The following UBXN11 variants were observed in gnomAD, a reference collection of about 807,000 sequenced individuals.
UBXN11 encodes the protein UBX domain-containing protein 11.
UBXN11 carries 47 observed loss-of-function variants against 62.8 expected under a neutral mutation model. The ratio of observed to expected loss-of-function variants is 0.75; its 90% CI spans 0.59 to 0.95. The LOEUF (loss-of-function observed/expected upper bound fraction) is 0.95, where lower values mean the gene tolerates loss of function less well. Among genes scored for constraint, UBXN11 ranks in the 40% least tolerant of loss-of-function variants. The pLI is 0.00. For synonymous variants in UBXN11, 294 were observed against 267.0 expected (o/e 1.10, Z -0.99); for missense variants, 638 against 661.7 (o/e 0.96, Z 0.39).
At chr1:26,291,558 C>T (rs2073266428) in intron 8 of UBXN11, among the ~76,000 whole-genome samples, 1 of 152,170 alleles carries the variant, frequency 6.6e-6, no homozygotes, top group Admixed American at 6.5e-5. Context: ...CAGAAACCAG[C>T]CACCTGGCAA....
intron 8 of UBXN11, among the ~76,000 whole-genome samples, chr1:26,288,920 G>A (rs1400763392): frequency 6.6e-6 from 1 of 152,188 alleles, no homozygotes; most frequent in East Asian, 1.9e-4. Flanking sequence ...CACATAGGCT[G>A]CCTCTCAATA....
At chr1:26,284,036 G>C (rs751725730) in intron 12 of UBXN11, 106 bp downstream of exon 12, 24 of 1,161,386 alleles carry the variant, frequency 2.1e-5, no homozygotes, top group Non-Finnish European at 2.9e-5. Context: ...GACTCATCAG[G>C]TGCCTCAAGC....
At chr1:26,288,172 G>A (rs1054378406) in intron 8 of UBXN11, among the ~76,000 whole-genome samples, 7 of 152,150 alleles carry the variant, frequency 4.6e-5, no homozygotes, top group African/African-American at 1.7e-4. Flanking sequence ...CAGATGACAT[G>A]GCCTGATCAG....
Position 26,284,200 on chromosome 1 carries a change from A to G in UBXN11, c.1019T>C (p.Phe340Ser), listed in dbSNP as rs781602317. Reference protein sequence around the residue: ...AEKFLNRLPKFVIRQGEVIDI... With the variant: ...AEKFLNRLPKSVIRQGEVIDI... The stretch of plus-strand genomic sequence containing the variant: ...AATCACCTCGCCTTGCCGGATCACA[A>G]ACTTGGGGAGCCTGTTCAGAAATTT... Residue 340 changes from phenylalanine (F) to serine (S), a missense_variant, in exon 12 of 15, where the codon TTT (phenylalanine) becomes TCT (serine). Coordinates refer to ENST00000374222, the MANE Select transcript of UBXN11 (RefSeq NM_001389556.1). 1 of 1,612,990 alleles carries G rather than the reference A, an allele frequency of 6.2e-7. No homozygotes were observed. Among genetic ancestry groups the G allele is most frequent in the East Asian group, 2.2e-5 (1 of 44,798 alleles).
intron 8 of UBXN11, among the ~76,000 whole-genome samples, chr1:26,288,355 GA>G (rs1287501593): frequency 6.6e-6 from 1 of 152,206 alleles, no homozygotes; most frequent in African/African-American, 2.4e-5. Flanking sequence ...AGCTTGCCAA[GA>G]AAATGGCCCT....
chr1:26,291,583 C>T (rs575138721), intron 8 of UBXN11, among the ~76,000 whole-genome samples: 1 of 152,136 alleles, frequency 6.6e-6, no homozygotes, highest in Admixed American at 6.5e-5. Context: ...CAAGGAGGTC[C>T]CCCCTGGCCA....
chr1:26,304,512 G>C (rs1369066181), intron 1 of UBXN11, among the ~76,000 whole-genome samples: 1 of 152,172 alleles, frequency 6.6e-6, no homozygotes, highest in Non-Finnish European at 1.5e-5. Context: ...CAACACTTTG[G>C]GAGGCCGAGG....
chr1:26,318,141 G>A, exon 1 of UBXN11: 1 of 1,298,846 alleles, frequency 7.7e-7, no homozygotes, highest in South Asian at 1.2e-5. Flanking sequence ...GGGCATACAG[G>A]ATGTGAGCTC....
intron 1 of UBXN11, among the ~76,000 whole-genome samples, chr1:26,316,179 G>A (rs999008401): frequency 8.1e-5 from 11 of 135,354 alleles, no homozygotes; most frequent in Middle Eastern, 4.6e-3. Context: ...TATGTTGCCC[G>A]GGTGGTCTCA....
At chr1:26,282,967 G>T (rs1469999356) in intron 12 of UBXN11, 30 bp from the exon 13 acceptor site, 3 of 1,613,906 alleles carry the variant, frequency 1.9e-6, no homozygotes, top group African/African-American at 1.3e-5. Context: ...GGTGGACAGA[G>T]CCCTAGGCCC....
At chr1:26,301,584 C>T in intron 3 of UBXN11, 110 bp downstream of exon 3, 1 of 1,478,158 alleles carries the variant, frequency 6.8e-7, no homozygotes, top group Non-Finnish European at 9.2e-7. Context: ...GTGGAGGCCG[C>T]TGCTCCAGCT....
intron 8 of UBXN11, among the ~76,000 whole-genome samples, chr1:26,292,186 A>G (rs1049506792): frequency 9.9e-5 from 15 of 152,162 alleles, no homozygotes; most frequent in Admixed American, 2.0e-4. Context: ...CCCTTTACCC[A>G]TCTGTGAAAT....
chr1:26,284,515 A>C (rs2073080347), intron 10 of UBXN11, 33 bp from the exon 11 acceptor site: 1 of 1,564,026 alleles, frequency 6.4e-7, no homozygotes, highest in East Asian at 2.3e-5. Context: ...ACGGCAGCGG[A>C]CCCAGCTCTT....
At chr1:26,293,334 G>A (rs930694678) in intron 8 of UBXN11, among the ~76,000 whole-genome samples, 6 of 152,102 alleles carry the variant, frequency 3.9e-5, no homozygotes, top group African/African-American at 1.2e-4. Flanking sequence ...TGAAGAGAAT[G>A]GGCCTGGTTT....
Position 26,298,051 on chromosome 1 carries a change from G to T in UBXN11, c.211C>A (p.His71Asn). 6.2e-7 allele frequency: 1 copy of T among 1,613,236 alleles called. No homozygotes were observed. Residue 71 changes from histidine to asparagine, a missense_variant, in exon 5 of 15, where the codon CAT becomes AAT. Transcript: ENST00000374222. ...ATGAAGGCCATCAGCTCCGAGTCAT[G>T]GGATGCAGGGACTGCCAAGCACACA... ...APVSRQVPAS[H>N]DSELMAFMTR...
At chr1:26,302,575 G>A (rs1307920557) in intron 2 of UBXN11, among the ~76,000 whole-genome samples, 7 of 152,116 alleles carry the variant, frequency 4.6e-5, no homozygotes, top group Non-Finnish European at 8.8e-5. Context: ...TGAACAGATG[G>A]GATGCCAAGC....
At chr1:26,305,747 C>T (rs188809629) in intron 1 of UBXN11, among the ~76,000 whole-genome samples, 1 of 152,326 alleles carries the variant, frequency 6.6e-6, no homozygotes, top group Admixed American at 6.5e-5. Context: ...CCACTTCCCC[C>T]TTCTTAATGG....
chr1:26,316,619 G>A (rs919740491), intron 1 of UBXN11, among the ~76,000 whole-genome samples: 5 of 152,088 alleles, frequency 3.3e-5, no homozygotes, highest in African/African-American at 9.7e-5. Flanking sequence ...CACCATTTAC[G>A]ACCTTAGCAA....
At chr1:26,313,128 T>A (rs2073760501) in intron 1 of UBXN11, among the ~76,000 whole-genome samples, 1 of 151,946 alleles carries the variant, frequency 6.6e-6, no homozygotes, top group Non-Finnish European at 1.5e-5. Flanking sequence ...TCAGTGAGGA[T>A]GAAAAATTCA....
Sources: allele counts gnomAD v4.1 joint callset (sites outside exome capture counted in the v4.1 genomes callset), GRCh38; gene constraint gnomAD v4.1.1; transcripts MANE v1.5; gene names NCBI Gene and HGNC (gene_info 2026-07-23, HGNC 2026-07-21).